Variants in ADGRB1 observed in about 807,000 individuals in gnomAD.
ADGRB1 encodes the protein brain-specific angiogenesis inhibitor 1.
A neutral mutation model predicts 175.7 loss-of-function variants in ADGRB1; 36 were observed. That is an observed-to-expected ratio of 0.20 (90% CI 0.16 to 0.27). ADGRB1 has a LOEUF of 0.27. Among genes scored for constraint, ADGRB1 ranks in the 10% least tolerant of loss-of-function variants. ADGRB1 has a pLI of 1.00. For synonymous variants in ADGRB1, 1,054 were observed against 979.4 expected, an observed-to-expected ratio of 1.08 and a Z score of -1.42; for missense variants, 1,731 against 2,255.3, an observed-to-expected ratio of 0.77 and a Z score of 4.71.
intron 2 of ADGRB1, among the ~76,000 whole-genome samples, chr8:142,473,197 C>T (rs748948425): frequency 1.6e-4 from 25 of 152,194 alleles, no homozygotes; most frequent in Admixed American, 5.9e-4. Flanking sequence ...CTCTCTCTCC[C>T]GCCCACTGCC....
intron 2 of ADGRB1, among the ~76,000 whole-genome samples, chr8:142,473,508 C>T (rs1840774267): frequency 6.6e-6 from 1 of 152,208 alleles, no homozygotes; most frequent in Non-Finnish European, 1.5e-5. Context: ...TGTGACAGGG[C>T]AGCCACGAAG....
chr8:142,458,917 G>A (rs1302184296), intron 1 of ADGRB1, among the ~76,000 whole-genome samples: 1 of 152,250 alleles, frequency 6.6e-6, no homozygotes, highest in Non-Finnish European at 1.5e-5. Context: ...GAAGTGGCCT[G>A]TGGTTCGGGG....
Position 142,464,819 on chromosome 8 carries a change from G to A in ADGRB1, c.621G>A (p.Gly207=), listed in dbSNP as rs765768021. ...LAGSRSSHPC[G]IMQTPCACLG... ...GTAGTCGCAGCTCGCACCCCTGCGGGATCATGCAGACCCCCTGCGCCTGCC... is the reference window on the plus strand; with the variant it reads ...GTAGTCGCAGCTCGCACCCCTGCGGAATCATGCAGACCCCCTGCGCCTGCC... Residue 207 remains glycine, a synonymous_variant, in exon 2 of 31, where the codon GGG becomes GGA. Coordinates refer to ENST00000517894, the MANE Select transcript of ADGRB1 (RefSeq NM_001702.3). 22 of 1,534,382 alleles carry A rather than the reference G, an allele frequency of 1.4e-5. No individual in the cohort carries two copies. The highest frequency in any genetic ancestry group is 2.8e-5 in the African/African-American group (2 of 72,694).
Position 142,455,229 on chromosome 8 carries a change from C to T in ADGRB1, c.-220+5125C>T, listed in dbSNP as rs1022239132. Among the ~76,000 whole-genome samples, 1 of 151,754 alleles carries T rather than the reference C, an allele frequency of 6.6e-6. No individual in the cohort carries two copies. Among genetic ancestry groups the T allele is most frequent in the East Asian group, 1.9e-4 (1 of 5,164 alleles). On this transcript the variant is annotated intron_variant, in intron 1 of 30. Transcript: ENST00000517894. The surrounding 1 kb of genome is among the most constrained non-coding windows in gnomAD (Gnocchi z 4.9). Reference sequence around the variant, plus strand: ...CATCCCCAACACCAAAGCCAACAAACACCTTCCCCCCATCACTCCCACTCG... The same window carrying T: ...CATCCCCAACACCAAAGCCAACAAATACCTTCCCCCCATCACTCCCACTCG...
At chr8:142,513,099 C>G (rs947815840) in intron 18 of ADGRB1, among the ~76,000 whole-genome samples, 1 of 152,188 alleles carries the variant, frequency 6.6e-6, no homozygotes, top group African/African-American at 2.4e-5. Flanking sequence ...GGGCAGGATG[C>G]CAGCAGGCAT....
chr8:142,532,745 G>A (rs1844697175), intron 24 of ADGRB1, among the ~76,000 whole-genome samples: 1 of 152,060 alleles, frequency 6.6e-6, no homozygotes, highest in African/African-American at 2.4e-5. Context: ...TGCCCTTCAG[G>A]GCCTGGACCC....
intron 1 of ADGRB1, among the ~76,000 whole-genome samples, chr8:142,452,778 C>T (rs1839431400): frequency 2.0e-5 from 3 of 151,932 alleles, no homozygotes; most frequent in South Asian, 4.1e-4. Flanking sequence ...CCGGTCGGCC[C>T]GACCCCGCCT....
intron 24 of ADGRB1, 28 bp downstream of exon 24, chr8:142,526,655 C>G: frequency 6.3e-7 from 1 of 1,592,694 alleles, no homozygotes; most frequent in Non-Finnish European, 8.6e-7. Flanking sequence ...CGGCTCCTTG[C>G]CCACCCGGAG....
At chr8:142,520,731 G>A (rs1843790681) in intron 19 of ADGRB1, 92 bp from the exon 20 acceptor site, 2 of 1,078,284 alleles carry the variant, frequency 1.9e-6, no homozygotes, top group East Asian at 4.8e-5. Context: ...AGGAAGTGGG[G>A]TGGGGCTCTG....
chr8:142,478,090 T>TG (rs2131803683), intron 6 of ADGRB1, 97 bp from the exon 7 acceptor site: 2 of 1,478,310 alleles, frequency 1.4e-6, no homozygotes, highest in Admixed American at 2.0e-5. Flanking sequence ...AGGCTGGGTG[T>TG]GGGGTGGTAG....
rs1042774227 is a variant in ADGRB1, at chr8:142,492,859, C to T, written c.2675+2044C>T. ...GGGGCTGCAGGTGGGTCTCTCACCC[C>T]CACAGCCCCAGCACTTCCACCAGCA... On this transcript the variant is annotated intron_variant, in intron 17 of 30. Coordinates refer to ENST00000517894, the MANE Select transcript of ADGRB1 (RefSeq NM_001702.3). The surrounding 1 kb of genome is among the most constrained non-coding windows in gnomAD (Gnocchi z 4.4). Among the ~76,000 whole-genome samples the T allele has an allele frequency of 1.3e-5, 2 of 152,100 alleles. No homozygotes were observed. Among genetic ancestry groups the T allele is most frequent in the African/African-American group, 4.8e-5 (2 of 41,416 alleles).
At chr8:142,521,327 C>T (rs1843835780) in intron 20 of ADGRB1, among the ~76,000 whole-genome samples, 1 of 152,164 alleles carries the variant, frequency 6.6e-6, no homozygotes, top group Admixed American at 6.5e-5. Flanking sequence ...CGCTCGCCAG[C>T]CTTGAAGCTG....
At chr8:142,524,646 C>T (rs547598763) in intron 23 of ADGRB1, among the ~76,000 whole-genome samples, 8 of 152,280 alleles carry the variant, frequency 5.3e-5, no homozygotes, top group East Asian at 3.9e-4. Context: ...ATGCGAGCAG[C>T]GGGGAGCTGC....
At chr8:142,506,863 G>A (rs1563722935) in intron 17 of ADGRB1, among the ~76,000 whole-genome samples, 1 of 152,232 alleles carries the variant, frequency 6.6e-6, no homozygotes, top group Admixed American at 6.5e-5. Context: ...CTGAGGTCTA[G>A]TGCAGCAAGG....
rs1369758203 is a variant in ADGRB1, at chr8:142,464,252, A to G, written c.54A>G (p.Leu18=). Residue 18 remains leucine (L), a synonymous_variant, in exon 2 of 31, where the codon CTA becomes CTG. Transcript: ENST00000517894. ...CCGTCTGGATCCTCGCCCCGCTGCT[A>G]CTGCTGCTGCTGCTGCTGGGACGCC... is the stretch of plus-strand genomic sequence containing the variant. ...PGPVWILAPL[L]LLLLLLGRRA... The G allele has an allele frequency of 1.6e-5, 22 of 1,342,608 alleles. No individual in the cohort carries two copies. The highest frequency in any genetic ancestry group is 8.2e-5 in the Admixed American group (2 of 24,334). 83.2% of individuals were successfully genotyped at this position (1,342,608 alleles called of 1,614,324 possible). A position where few individuals can be genotyped will look rare whatever the true frequency, so the allele number is the denominator to read the frequency against.
chr8:142,459,149 T>C (rs1839840012), intron 1 of ADGRB1, among the ~76,000 whole-genome samples: 1 of 152,234 alleles, frequency 6.6e-6, no homozygotes, highest in Admixed American at 6.5e-5. Context: ...CAGCCCGGCC[T>C]CAACCTTCAG....
chr8:142,523,311 G>T (rs1048814288), intron 22 of ADGRB1, among the ~76,000 whole-genome samples: 2 of 148,628 alleles, frequency 1.3e-5, no homozygotes, highest in Non-Finnish European at 3.0e-5. Flanking sequence ...GGTGGGGAAG[G>T]GGAACCGAGG....
At chr8:142,487,867 T>A (rs963163147) in intron 13 of ADGRB1, among the ~76,000 whole-genome samples, 3 of 152,204 alleles carry the variant, frequency 2.0e-5, no homozygotes, top group Non-Finnish European at 4.4e-5. Flanking sequence ...TGCCCTTTGA[T>A]GCCTGAGCCC....
In ADGRB1 at chr8:142,520,984, C is replaced by T. The variant is rs140775987; in HGVS notation, c.3024+59C>T. The stretch of plus-strand genomic sequence containing the variant: ...AACATCCTCGGGTGGTGAGGATGGA[C>T]CCCAGGAGGGGCCTGGACCGTGGGA... On this transcript the variant is annotated intron_variant, in intron 20 of 30. Coordinates refer to ENST00000517894, the MANE Select transcript of ADGRB1 (RefSeq NM_001702.3). 3.2e-4 allele frequency: 478 copies of T among 1,503,802 alleles called. 4 individuals are homozygous for T. The African/African-American group carries it at 6.0e-3, about 19-fold the overall frequency. The allele number at this position is 1,503,802 out of a possible 1,614,324, so 93.2% of individuals were successfully genotyped here. A position where few individuals can be genotyped will look rare whatever the true frequency, so the allele number is the denominator to read the frequency against.
Sources: gnomAD v4.1 joint callset for allele counts (sites outside exome capture counted in the v4.1 genomes callset) on GRCh38, gnomAD v4.1.1 for gene constraint, Gnocchi (gnomAD v3.1) non-coding constraint, MANE v1.5 for transcripts, NCBI Gene and HGNC (gene_info 2026-07-23, HGNC 2026-07-21) for gene names.